NFIB: variants seen among roughly 807,000 people sequenced by gnomAD.
NFIB encodes nuclear factor 1 B-type.
Under a neutral mutation model 61.5 loss-of-function variants are expected in NFIB, and 11 were observed. That is an observed-to-expected ratio of 0.18 (90% CI 0.11 to 0.30). The LOEUF is 0.30. NFIB is among the 10% of genes least tolerant of loss of function. The pLI is 1.00. For synonymous variants in NFIB, 260 were observed against 216.5 expected (o/e 1.20, Z -1.76); for missense variants, 471 against 608.9 (o/e 0.77, Z 2.38).
chr9:14,196,096 G>A (rs1056109288), intron 2 of NFIB, among the ~76,000 whole-genome samples: 4 of 151,666 alleles, frequency 2.6e-5, no homozygotes, highest in Admixed American at 6.6e-5. Flanking sequence ...CTATGTTCAC[G>A]CTGGTTGAAC....
intron 1 of NFIB, among the ~76,000 whole-genome samples, chr9:14,335,444 C>A (rs1014364319): frequency 3.9e-5 from 6 of 152,154 alleles, no homozygotes; most frequent in African/African-American, 1.4e-4. Flanking sequence ...TAAATAATAG[C>A]GTTGAACATC....
At position 14,082,262 on chromosome 9, in the gene NFIB, A is replaced by T. The variant is rs997022936; in HGVS notation, c.*6047T>A. The T allele has an allele frequency of 2.0e-5, 4 of 204,528 alleles. No homozygotes were observed. Among genetic ancestry groups the T allele is most frequent in the African/African-American group, 9.2e-5 (4 of 43,680 alleles). 12.7% of individuals were successfully genotyped at this position (204,528 alleles called of 1,614,324 possible). ...GGTTCTGTATTTATGGCCCATGAGG[A>T]CAAAATGCCAAAAGTTTTAAAATGG... is the stretch of plus-strand genomic sequence containing the variant. On this transcript the variant is annotated 3_prime_UTR_variant, in exon 11 of 11. Coordinates refer to ENST00000380953, the MANE Select transcript of NFIB (RefSeq NM_001190737.2).
At chr9:14,474,566 T>C in the NFIB span, among the ~76,000 whole-genome samples, 1 of 152,354 alleles carries the variant, frequency 6.6e-6, no homozygotes, top group Admixed American at 6.5e-5. Context: ...AACCTTAAAA[T>C]CTAAGTCCAA....
chr9:14,442,374 G>A, the NFIB span, among the ~76,000 whole-genome samples: 1 of 152,170 alleles, frequency 6.6e-6, no homozygotes, highest in African/African-American at 2.4e-5. Context: ...GGGTCGTTGA[G>A]AGGATCAAAT....
At chr9:14,250,263 A>T (rs949782715) in intron 2 of NFIB, among the ~76,000 whole-genome samples, 3 of 109,260 alleles carry the variant, frequency 2.7e-5, no homozygotes, top group Non-Finnish European at 6.8e-5. Context: ...TGTGCATATA[A>T]TATCTTTTTT....
chr9:14,149,666 A>T (rs1666573549), intron 5 of NFIB, among the ~76,000 whole-genome samples: 1 of 152,200 alleles, frequency 6.6e-6, no homozygotes, highest in Admixed American at 6.5e-5. Flanking sequence ...GTCAAAAAAC[A>T]TCAACTAATT....
At chr9:14,474,095 T>A in the NFIB span, among the ~76,000 whole-genome samples, 1 of 152,214 alleles carries the variant, frequency 6.6e-6, no homozygotes, top group Non-Finnish European at 1.5e-5. Flanking sequence ...CAAGGAGGAT[T>A]TTTTCCCTTA....
intron 1 of NFIB, among the ~76,000 whole-genome samples, chr9:14,325,554 C>T (rs1221063951): frequency 6.6e-6 from 1 of 152,126 alleles, no homozygotes; most frequent in East Asian, 1.9e-4. Context: ...AATTCCTCTA[C>T]CCCATCTAAA....
the NFIB span, among the ~76,000 whole-genome samples, chr9:14,491,228 A>G: frequency 1.3e-5 from 2 of 152,234 alleles, no homozygotes; most frequent in African/African-American, 4.8e-5. Context: ...AGAACCATAT[A>G]TGCACACAGT....
At chr9:14,244,973 C>T (rs1302240959) in intron 2 of NFIB, among the ~76,000 whole-genome samples, 1 of 152,158 alleles carries the variant, frequency 6.6e-6, no homozygotes, top group Non-Finnish European at 1.5e-5. Context: ...TTCTCACTAT[C>T]ATTCTCCTGT....
Position 14,178,182 on chromosome 9 carries a change from T to A in NFIB, c.616+1545A>T, listed in dbSNP as rs367600558. Among the ~76,000 whole-genome samples, 4 of 152,276 alleles carry A rather than the reference T, an allele frequency of 2.6e-5. No individual in the cohort carries two copies. The East Asian group carries it at 7.7e-4, about 29-fold the overall frequency. On this transcript the variant is annotated intron_variant, in intron 3 of 10. Coordinates refer to ENST00000380953, the MANE Select transcript of NFIB (RefSeq NM_001190737.2). ...AGGAGACTTTTAAAAAATGTTTGGATAAAATTCATTTTGTCTATCATGCAA... is the reference window on the plus strand; with the variant it reads ...AGGAGACTTTTAAAAAATGTTTGGAAAAAATTCATTTTGTCTATCATGCAA...
the NFIB span, among the ~76,000 whole-genome samples, chr9:14,426,438 G>A: frequency 1.3e-5 from 2 of 152,156 alleles, no homozygotes; most frequent in East Asian, 1.9e-4. Context: ...CCTATAGACT[G>A]CAAGCTCATT....
intron 1 of NFIB, among the ~76,000 whole-genome samples, chr9:14,393,419 G>A (rs1466340898): frequency 1.3e-5 from 2 of 152,176 alleles, no homozygotes; most frequent in African/African-American, 4.8e-5. Flanking sequence ...CAGATTGGAA[G>A]TCGTGTTACC....
At chr9:14,111,341 G>T (rs550268049) in intron 10 of NFIB, among the ~76,000 whole-genome samples, 1 of 152,150 alleles carries the variant, frequency 6.6e-6, no homozygotes, top group Non-Finnish European at 1.5e-5. Context: ...GCTGCCATAG[G>T]TTAGGGTAGT....
rs1311740185 is a variant in NFIB at position 14,347,680 on chromosome 9, C to CT, written c.109-40161dup. 2.6e-5 allele frequency among the ~76,000 whole-genome samples: 4 copies of CT among 152,238 alleles called. No individual in the cohort carries two copies. The East Asian group carries it at 7.7e-4, about 29-fold the overall frequency. On this transcript the variant is annotated intron_variant, in intron 1 of 8. Coordinates refer to the NFIB transcript ENST00000380934. ...AGGTCCGCCCAAGGTCCCAGAGGCA[C>CT]TGGGGGGTCGGGTGACTGTGCGGAG...
At chr9:14,150,321 T>G in intron 4 of NFIB, 56 bp from the exon 5 acceptor site, 1 of 1,607,800 alleles carries the variant, frequency 6.2e-7, no homozygotes, top group Non-Finnish European at 8.5e-7. Context: ...TGACCTCTAT[T>G]CAAATGTAAT....
chr9:14,254,466 T>C (rs953467575), intron 2 of NFIB, among the ~76,000 whole-genome samples: 2 of 152,172 alleles, frequency 1.3e-5, no homozygotes, highest in African/African-American at 4.8e-5. Flanking sequence ...TACTTACTGA[T>C]CTTATCCCTC....
chr9:14,433,080 T>A, the NFIB span, among the ~76,000 whole-genome samples: 2 of 152,166 alleles, frequency 1.3e-5, no homozygotes, highest in African/African-American at 2.4e-5. Context: ...TGACCCCTTA[T>A]TTAAAACATA....
At chr9:14,500,952 C>A in the NFIB span, among the ~76,000 whole-genome samples, 2 of 152,184 alleles carry the variant, frequency 1.3e-5, no homozygotes, top group African/African-American at 2.4e-5. Flanking sequence ...GAAATTCAGA[C>A]AAGGAAAGTT....
Sources: gnomAD v4.1 joint callset for allele counts (sites outside exome capture counted in the v4.1 genomes callset) on GRCh38, gnomAD v4.1.1 for gene constraint, MANE v1.5 for transcripts, NCBI Gene and HGNC (gene_info 2026-07-23, HGNC 2026-07-21) for gene names.